Variants in DTNA observed in about 807,000 individuals in gnomAD.
The protein encoded by DTNA is dystrobrevin alpha, also known as dystrophin-related protein 3.
Under a neutral mutation model 100.7 loss-of-function variants are expected in DTNA, and 43 were observed. That is an observed-to-expected ratio of 0.43 (90% CI 0.33 to 0.55). The LOEUF (loss-of-function observed/expected upper bound fraction) is 0.55, where lower values mean the gene tolerates loss of function less well. DTNA is among the 20% of genes least tolerant of loss of function. The probability of loss-of-function intolerance (pLI) is 0.04; values close to 1 mark genes in which losing one functional copy is unlikely to be tolerated. For synonymous variants in DTNA, 349 were observed against 347.9 expected (o/e 1.00, Z -0.04); for missense variants, 798 against 953.9 (o/e 0.84, Z 2.15).
intron 1 of DTNA, among the ~76,000 whole-genome samples, chr18:34,753,255 A>G (rs2092466174): frequency 1.3e-5 from 2 of 152,192 alleles, no homozygotes; most frequent in Admixed American, 1.3e-4. Flanking sequence ...AAGTAGTACA[A>G]GCAGCAAGGC....
chr18:34,605,118 A>C (rs2147301471), intron 1 of DTNA, among the ~76,000 whole-genome samples: 1 of 147,810 alleles, frequency 6.8e-6, no homozygotes, highest in Non-Finnish European at 1.5e-5. Flanking sequence ...AAAACCAGCA[A>C]AAAAAAAAAA....
intron 1 of DTNA, among the ~76,000 whole-genome samples, chr18:34,597,472 T>A (rs538294097): frequency 1.1e-4 from 16 of 152,252 alleles, no homozygotes; most frequent in African/African-American, 3.4e-4. Flanking sequence ...ATCCACACCC[T>A]CACCCTGCCA....
At chr18:34,817,866 A>C in intron 7 of DTNA, 1 of 1,055,216 alleles carries the variant, frequency 9.5e-7, no homozygotes, top group Non-Finnish European at 1.2e-6. Context: ...CTGTTTGGCT[A>C]ATTTAAATTC....
At chr18:34,714,946 C>G (rs2083697599) in intron 1 of DTNA, among the ~76,000 whole-genome samples, 1 of 151,596 alleles carries the variant, frequency 6.6e-6, no homozygotes, top group African/African-American at 2.4e-5. Flanking sequence ...TCTCAGTAAA[C>G]TATCGCAAGA....
At chr18:34,551,207 G>C (rs2045375298) in intron 1 of DTNA, among the ~76,000 whole-genome samples, 1 of 152,072 alleles carries the variant, frequency 6.6e-6, no homozygotes, top group Non-Finnish European at 1.5e-5. Context: ...CACAGAGATT[G>C]ATAATTTCCC....
chr18:34,677,107 A>G (rs149384881), intron 1 of DTNA, among the ~76,000 whole-genome samples: 174 of 152,192 alleles, frequency 1.1e-3, no homozygotes, highest in African/African-American at 4.1e-3. Flanking sequence ...TAGACAACTA[A>G]CTTCTTTTAA....
intron 2 of DTNA, among the ~76,000 whole-genome samples, chr18:34,762,425 G>A (rs1439665942): frequency 1.3e-5 from 2 of 152,152 alleles, no homozygotes; most frequent in African/African-American, 2.4e-5. Context: ...ATCCTGGAAG[G>A]CTCTGTTTGT....
upstream of DTNA, among the ~76,000 whole-genome samples, chr18:34,710,029 A>C (rs375419999): frequency 6.6e-6 from 1 of 152,234 alleles, no homozygotes; most frequent in African/African-American, 2.4e-5. Flanking sequence ...CTTAAAATGC[A>C]TAGAGATATT....
intron 1 of DTNA, among the ~76,000 whole-genome samples, chr18:34,674,678 CA>C (rs1314947389): frequency 2.6e-5 from 4 of 152,166 alleles, no homozygotes; most frequent in African/African-American, 9.7e-5. Flanking sequence ...GATGTGAAAA[CA>C]TGAGCTTTGT....
chr18:34,888,845 C>G lies in DTNA; in HGVS notation c.*1111C>G, dbSNP rs1229356806. ...AATGTACAGGCTTAAAGTGCGCTTG[C>G]AAACGTTTGCTCTCCTTTTTTTCTG... On this transcript the variant is annotated 3_prime_UTR_variant, in exon 23 of 23. Transcript: ENST00000444659. 4.1e-6 allele frequency: 4 copies of G among 985,762 alleles called. No homozygotes were observed. Among genetic ancestry groups the G allele is most frequent in the Middle Eastern group, 5.2e-4 (1 of 1,936 alleles). The allele number at this position is 985,762 out of a possible 1,614,324, so 61.1% of individuals were successfully genotyped here.
chr18:34,751,229 G>A (rs1051411548), intron 1 of DTNA, among the ~76,000 whole-genome samples: 2 of 152,228 alleles, frequency 1.3e-5, no homozygotes, highest in African/African-American at 4.8e-5. Context: ...CCTATCAAAT[G>A]TGTCTTCTAA....
chr18:34,860,419 A>G lies in DTNA; in HGVS notation c.1646+2021A>G, dbSNP rs12953797. On this transcript the variant is annotated intron_variant, in intron 16 of 22. Coordinates refer to ENST00000444659, the MANE Select transcript of DTNA (RefSeq NM_001386795.1). The stretch of plus-strand genomic sequence containing the variant: ...CCAACTATGTTCCAGGTATATCTAT[A>G]ACTCTGAGTCATACTTTTTATAGTA... Among the ~76,000 whole-genome samples, 1,399 of 151,904 alleles carry G rather than the reference A, an allele frequency of 9.2e-3. 11 individuals carry two copies. The highest frequency in any genetic ancestry group is 0.015 in the Non-Finnish European group (1,005 of 67,928).
Position 34,821,078 on chromosome 18 carries a change from A to G in DTNA, c.1001+163A>G, listed in dbSNP as rs1032396000. The stretch of plus-strand genomic sequence containing the variant: ...CCATCATAATTTTTTGTTGTTGTTG[A>G]GGTGTACAGTACTTCCACCAGGCTG... On this transcript the variant is annotated intron_variant, in intron 9 of 22. Transcript: ENST00000444659. The G allele has an allele frequency of 2.5e-5, 25 of 1,014,096 alleles. No individual in the cohort carries two copies. The East Asian group carries it at 6.6e-4, about 27-fold the overall frequency. The allele number at this position is 1,014,096 out of a possible 1,614,324, so 62.8% of individuals were successfully genotyped here.
intron 1 of DTNA, among the ~76,000 whole-genome samples, chr18:34,602,348 A>C (rs2052044686): frequency 6.6e-6 from 1 of 152,330 alleles, no homozygotes; most frequent in Middle Eastern, 3.4e-3. Flanking sequence ...ATCTTGGATC[A>C]AATGAATTTG....
rs1417995767 is a variant in DTNA at position 34,838,189 on chromosome 18, T to G, written c.1253+18T>G. On this transcript the variant is annotated intron_variant, in intron 12 of 22. Transcript: ENST00000444659. ...GGCAAAGGGTAAGTTACAGCCAGAG[T>G]GTACTGGAACCCTGCATTAACTAAA... 6.2e-7 allele frequency: 1 copy of G among 1,613,296 alleles called. No individual in the cohort carries two copies.
intron 16 of DTNA, 77 bp downstream of exon 16, chr18:34,858,475 A>G: frequency 6.9e-7 from 1 of 1,454,482 alleles, no homozygotes; most frequent in Non-Finnish European, 9.6e-7. Context: ...GTGTCTAGCC[A>G]GAAAACAGTC....
chr18:34,853,031 C>CCAGG (rs761626122), intron 15 of DTNA, among the ~76,000 whole-genome samples: 2 of 152,138 alleles, frequency 1.3e-5, no homozygotes, highest in Admixed American at 6.5e-5. Flanking sequence ...GAGCCCAGAA[C>CCAGG]CAGGCCTGGC....
At chr18:34,609,108 G>A (rs1178804750) in intron 1 of DTNA, among the ~76,000 whole-genome samples, 1 of 152,168 alleles carries the variant, frequency 6.6e-6, no homozygotes, top group Admixed American at 6.5e-5. Flanking sequence ...AGAATAAGGA[G>A]CTAAGCCCAC....
intron 15 of DTNA, among the ~76,000 whole-genome samples, chr18:34,856,652 G>A (rs576191791): frequency 1.3e-5 from 2 of 152,090 alleles, no homozygotes; most frequent in Non-Finnish European, 2.9e-5. Context: ...TATCGAACTT[G>A]GGGAAATCTT....
Sources: gnomAD v4.1 joint callset for allele counts (sites outside exome capture counted in the v4.1 genomes callset) on GRCh38, gnomAD v4.1.1 for gene constraint, MANE v1.5 for transcripts, NCBI Gene and HGNC (gene_info 2026-07-23, HGNC 2026-07-21) for gene names.